Variants in BMX observed in about 807,000 individuals in gnomAD.
BMX encodes cytoplasmic tyrosine-protein kinase BMX.
In BMX, 31 loss-of-function variants were observed where a neutral mutation model predicts 59.2. The ratio of observed to expected loss-of-function variants is 0.52; its 90% confidence interval spans 0.39 to 0.71. The LOEUF is 0.71. BMX is among the 30% of genes least tolerant of loss of function. The pLI, the probability that BMX is intolerant of heterozygous loss-of-function variation, is 0.00. For missense variants in BMX, 474 were observed against 491.7 expected (o/e 0.96, Z 0.34); for synonymous variants, 185 against 181.0 (o/e 1.02, Z -0.18).
At chrX:15,502,872 G>T (rs1277906435) in intron 1 of BMX, among the ~76,000 whole-genome samples, 1 of 111,296 alleles carries the variant, frequency 9.0e-6, no homozygotes, top group African/African-American at 3.3e-5. Flanking sequence ...TTTGTCACAG[G>T]GCCCTCCAGT....
At chrX:15,505,936 A>G (rs761680566) in intron 1 of BMX, among the ~76,000 whole-genome samples, 4 of 111,235 alleles carry the variant, frequency 3.6e-5, no homozygotes, top group Middle Eastern at 4.6e-3. Flanking sequence ...TATTATTATT[A>G]ATTTTTTTTG....
At chrX:15,538,847 G>GCTCATGATGTAA (rs1925510247) in intron 14 of BMX, among the ~76,000 whole-genome samples, 1 of 111,198 alleles carries the variant, frequency 9.0e-6, no homozygotes, top group Non-Finnish European at 1.9e-5. Flanking sequence ...GTGAATATAG[G>GCTCATGATGTAA]CCTTTGGCCC....
At chrX:15,551,393 C>A (rs1057216638) in intron 18 of BMX, among the ~76,000 whole-genome samples, 1 of 110,816 alleles carries the variant, frequency 9.0e-6, no homozygotes, top group Non-Finnish European at 1.9e-5. Flanking sequence ...CTATTATTAT[C>A]TCTGTGCTTC....
chrX:15,525,277 C>CT lies in BMX; in HGVS notation c.753-5dup. The CT allele has an allele frequency of 1.7e-6, 2 of 1,204,028 alleles. No homozygotes were observed. The highest frequency in any genetic ancestry group is 1.7e-5 in the African/African-American group (1 of 57,599). On this transcript the variant is annotated splice_polypyrimidine_tract_variant and intron_variant, in intron 7 of 18. Transcript: ENST00000348343. ...ATGTTTATAAACTTATAAAATGTCT[C>CT]TTTTTTGCAGTAGCAGCAGCAGTGA...
intron 18 of BMX, among the ~76,000 whole-genome samples, chrX:15,552,105 T>C (rs1046728135): frequency 4.4e-5 from 5 of 112,615 alleles, no homozygotes; most frequent in Non-Finnish European, 9.4e-5. Flanking sequence ...ACTTTGTCCT[T>C]TGCTATCTGT....
intron 5 of BMX, among the ~76,000 whole-genome samples, chrX:15,517,292 C>T (rs1391226388): frequency 2.7e-5 from 3 of 112,144 alleles, no homozygotes; most frequent in East Asian, 2.8e-4. Context: ...CATGGGTCTT[C>T]GCTCCACTGT....
chrX:15,508,109 A>G (rs963244583), intron 1 of BMX, among the ~76,000 whole-genome samples: 3 of 112,149 alleles, frequency 2.7e-5, no homozygotes, highest in African/African-American at 9.7e-5. Context: ...CAGTGGGAGG[A>G]GTCAAAAGTA....
intron 17 of BMX, 24 bp downstream of exon 17, chrX:15,546,945 C>A: frequency 8.8e-7 from 1 of 1,137,210 alleles, no homozygotes; most frequent in Non-Finnish European, 1.2e-6. Flanking sequence ...CACATACGAC[C>A]TGGCCCTGTT....
intron 17 of BMX, among the ~76,000 whole-genome samples, chrX:15,549,112 G>A (rs1264890320): frequency 9.0e-6 from 1 of 111,263 alleles, no homozygotes; most frequent in Non-Finnish European, 1.9e-5. Flanking sequence ...ATGTCTAACT[G>A]ATCCCAAATG....
chrX:15,515,365 CAG>C (rs1443760604), intron 4 of BMX, among the ~76,000 whole-genome samples: 1 of 110,084 alleles, frequency 9.1e-6, no homozygotes, highest in African/African-American at 3.3e-5. Context: ...AATATTGTAT[CAG>C]TGTTAAATTT....
intron 16 of BMX, among the ~76,000 whole-genome samples, chrX:15,546,387 C>T (rs1925945984): frequency 9.0e-6 from 1 of 111,480 alleles, no homozygotes; most frequent in Non-Finnish European, 1.9e-5. Flanking sequence ...TGGGGAAATG[C>T]TCATGATATA....
At chrX:15,502,253 G>A (rs965256951) in intron 1 of BMX, among the ~76,000 whole-genome samples, 2 of 111,920 alleles carry the variant, frequency 1.8e-5, no homozygotes, top group South Asian at 3.8e-4. Flanking sequence ...GCACTAACCG[G>A]CATCATGAAA....
intron 6 of BMX, 75 bp from the exon 7 acceptor site, chrX:15,522,271 T>C: frequency 9.0e-7 from 1 of 1,105,509 alleles, no homozygotes; most frequent in Non-Finnish European, 1.2e-6. Context: ...CAAGAGCTGA[T>C]ATACTTAATT....
intron 1 of BMX, 80 bp from the exon 2 acceptor site, chrX:15,508,265 C>T: frequency 6.2e-6 from 4 of 649,442 alleles, no homozygotes; most frequent in Non-Finnish European, 8.8e-6. Flanking sequence ...AATAGGAAAT[C>T]GTTGAGGAAA....
intron 3 of BMX, among the ~76,000 whole-genome samples, chrX:15,510,097 A>T (rs1220879583): frequency 3.6e-5 from 4 of 111,916 alleles, no homozygotes; most frequent in Non-Finnish European, 7.5e-5. Flanking sequence ...TGACAGTGAA[A>T]GAGATAGCCT....
chrX:15,531,126 A>T (rs1383536675), intron 10 of BMX, among the ~76,000 whole-genome samples: 2 of 111,140 alleles, frequency 1.8e-5, no homozygotes, highest in Non-Finnish European at 3.8e-5. Flanking sequence ...ATAGGGTTAA[A>T]TATTAATTGG....
Position 15,556,165 on chromosome X carries a change from C to T in BMX, c.*18C>T. 1 of 1,181,241 alleles carries T rather than the reference C, an allele frequency of 8.5e-7. No individual in the cohort carries two copies. Among genetic ancestry groups the T allele is most frequent in the African/African-American group, 1.8e-5 (1 of 56,781 alleles). On this transcript the variant is annotated 3_prime_UTR_variant, in exon 19 of 19. Coordinates refer to ENST00000348343, the MANE Select transcript of BMX (RefSeq NM_203281.3). ...AGCATTGAAGAAGAAATTAGGAGTG[C>T]TGATAAGAATGAATATAGATGCTGG...
Position 15,551,875 on chromosome X carries a change from A to G in BMX, c.1953+1878A>G, listed in dbSNP as rs758143075. On this transcript the variant is annotated intron_variant, in intron 18 of 18. Coordinates refer to ENST00000348343, the MANE Select transcript of BMX (RefSeq NM_203281.3). ...AGTGGCCAACAGAGCACTTATGGCA[A>G]GGCATCTCGAGGGGGTGGCAATCAC... Among the ~76,000 whole-genome samples the G allele has an allele frequency of 5.4e-5, 6 of 111,144 alleles. No individual in the cohort carries two copies. In the East Asian group the frequency reaches 1.7e-3, roughly 31 times the overall value.
chrX:15,547,300 A>C (rs908556066), intron 17 of BMX, among the ~76,000 whole-genome samples: 1 of 111,761 alleles, frequency 8.9e-6, no homozygotes, highest in African/African-American at 3.3e-5. Context: ...ATTTCAAATA[A>C]TTTTTTAAAA....
Sources: gnomAD v4.1 joint callset for allele counts (sites outside exome capture counted in the v4.1 genomes callset) on GRCh38, gnomAD v4.1.1 for gene constraint, MANE v1.5 for transcripts, NCBI Gene and HGNC (gene_info 2026-07-23, HGNC 2026-07-21) for gene names.